Variants in ULK2 observed in about 807,000 individuals in gnomAD.
ULK2 encodes serine/threonine-protein kinase ULK2.
A neutral mutation model predicts 127.5 loss-of-function variants in ULK2; 76 were observed. The observed-to-expected ratio is 0.60, with a 90% CI of 0.50 to 0.72. The LOEUF (loss-of-function observed/expected upper bound fraction) is 0.72, where lower values mean the gene tolerates loss of function less well. Among genes scored for constraint, ULK2 ranks in the 30% least tolerant of loss-of-function variants. The pLI is 0.00. For missense variants in ULK2, 1,144 were observed against 1,295.9 expected, an observed-to-expected ratio of 0.88 and a Z score of 1.80; for synonymous variants, 452 against 461.9, an observed-to-expected ratio of 0.98 and a Z score of 0.28.
intron 10 of ULK2, among the ~76,000 whole-genome samples, chr17:19,831,553 C>CACGCCTAAAAAAAGAAGAAATAAG (rs1189159301): frequency 4.6e-5 from 7 of 152,160 alleles, no homozygotes; most frequent in African/African-American, 1.7e-4. Context: ...GGCCAGGTGC[C>CACGCCTAAAAAAAGAAGAAATAAG]GTGCCCCACG....
chr17:19,803,582 C>A (rs573745648), intron 15 of ULK2, among the ~76,000 whole-genome samples: 5 of 152,294 alleles, frequency 3.3e-5, no homozygotes, highest in African/African-American at 9.6e-5. Context: ...AACCACTGTA[C>A]AATATACTGT....
Position 19,810,623 on chromosome 17 carries a change from T to C in ULK2, c.1097-185A>G, listed in dbSNP as rs555741822. ...ACTACACCTAGCTGAAGACATAGGC[T>C]GCAACTCTTTGGATGCCCACTTCTA... On this transcript the variant is annotated intron_variant, in intron 13 of 26. Transcript: ENST00000395544. Among the ~76,000 whole-genome samples, 8 of 152,342 alleles carry C rather than the reference T, an allele frequency of 5.3e-5. No homozygotes were observed. The South Asian group carries it at 6.2e-4, about 12-fold the overall frequency.
At chr17:19,801,994 C>A in intron 15 of ULK2, 72 bp from the exon 16 acceptor site, 1 of 1,495,012 alleles carries the variant, frequency 6.7e-7, no homozygotes, top group South Asian at 1.4e-5. Flanking sequence ...TCTGAAACTT[C>A]CTAACAATAT....
rs1225123406 is a variant in ULK2, at chr17:19,771,351, T to G, written c.*4998A>C. 1 of 152,184 alleles carries G rather than the reference T, an allele frequency of 6.6e-6. No homozygotes were observed. Among genetic ancestry groups the G allele is most frequent in the African/African-American group, 2.4e-5 (1 of 41,448 alleles). 9.4% of individuals were successfully genotyped at this position (152,184 alleles called of 1,614,324 possible). ...TTCCACTTAAACAGCCAAATTGACT[T>G]AAAAGGGCAACATAGATGTCTGAAG... is the stretch of plus-strand genomic sequence containing the variant. On this transcript the variant is annotated 3_prime_UTR_variant, in exon 27 of 27. Transcript: ENST00000395544.
chr17:19,804,962 T>C (rs2087483897), intron 14 of ULK2, 132 bp from the exon 15 acceptor site: 1 of 1,028,016 alleles, frequency 9.7e-7, no homozygotes, highest in Non-Finnish European at 1.3e-6. Flanking sequence ...TAATAAGAAA[T>C]GATCTTGTTA....
intron 20 of ULK2, among the ~76,000 whole-genome samples, chr17:19,786,950 A>G (rs921253859): frequency 1.3e-5 from 2 of 152,056 alleles, no homozygotes; most frequent in Non-Finnish European, 2.9e-5. Context: ...AAACATGTAT[A>G]CAGTTGCACT....
chr17:19,825,108 A>G lies in ULK2; in HGVS notation c.910T>C (p.Phe304Leu). 6.2e-7 allele frequency: 1 copy of G among 1,614,060 alleles called. No individual in the cohort carries two copies. The highest frequency in any genetic ancestry group is 1.7e-5 in the Admixed American group (1 of 60,006). ...SSCGSSPSCR[F>L]ASPPSLPDMQ... is the part of the protein sequence containing the mutation. ...CTGTAACTTACTGGTGGAGAAGCAA[A>G]ACGACAAGATGGAGAGCTGCCACAG... is the stretch of plus-strand genomic sequence containing the variant. Residue 304 changes from phenylalanine to leucine, a missense_variant, in exon 12 of 27, where the codon TTT becomes CTT. Physicochemically the swap from Phe to Leu is conservative, Grantham distance 22. Coordinates refer to ENST00000395544, the MANE Select transcript of ULK2 (RefSeq NM_014683.4).
intron 1 of ULK2, 21 bp downstream of exon 1, chr17:19,867,307 C>A: frequency 1.9e-6 from 3 of 1,549,018 alleles, no homozygotes; most frequent in Admixed American, 2.0e-5. Flanking sequence ...GGGGCCCGGC[C>A]TCGCCCCGGC....
chr17:19,852,801 TTTGTTG>T (rs1169484249), intron 3 of ULK2, among the ~76,000 whole-genome samples: 1 of 151,190 alleles, frequency 6.6e-6, no homozygotes, highest in African/African-American at 2.4e-5. Flanking sequence ...TGGCTAGTTT[TTTGTTG>T]TTGTTGTTGT....
intron 10 of ULK2, among the ~76,000 whole-genome samples, chr17:19,830,256 C>T (rs982426891): frequency 6.6e-6 from 1 of 152,036 alleles, no homozygotes; most frequent in Admixed American, 6.6e-5. Context: ...GGCTGGAATG[C>T]AGTGGTGCAA....
chr17:19,846,080 C>T (rs1451902067), intron 6 of ULK2, among the ~76,000 whole-genome samples: 1 of 152,098 alleles, frequency 6.6e-6, no homozygotes, highest in Admixed American at 6.6e-5. Context: ...GAGCCGAGAT[C>T]GTGCCACAGC....
chr17:19,864,103 T>C (rs892599135), intron 3 of ULK2, among the ~76,000 whole-genome samples: 2 of 152,040 alleles, frequency 1.3e-5, no homozygotes, highest in Non-Finnish European at 2.9e-5. Context: ...GCCCAGGAGT[T>C]CAAGACTAGC....
chr17:19,788,231 A>G (rs2087077335), intron 20 of ULK2, among the ~76,000 whole-genome samples: 1 of 152,104 alleles, frequency 6.6e-6, no homozygotes, highest in South Asian at 2.1e-4. Context: ...GACATCAGAC[A>G]GGGCTTCTAA....
intron 3 of ULK2, among the ~76,000 whole-genome samples, chr17:19,851,139 C>T (rs1201065837): frequency 1.3e-5 from 2 of 149,012 alleles, no homozygotes; most frequent in Admixed American, 6.7e-5. Flanking sequence ...ATGGTGAAAC[C>T]CTGTCTCTAA....
intron 3 of ULK2, among the ~76,000 whole-genome samples, chr17:19,857,155 C>A (rs1184735024): frequency 1.3e-5 from 2 of 151,062 alleles, no homozygotes; most frequent in Non-Finnish European, 3.0e-5. Flanking sequence ...AAAATACAGA[C>A]ATTAGCCAGG....
intron 12 of ULK2, among the ~76,000 whole-genome samples, chr17:19,820,954 C>G (rs563274364): frequency 2.6e-5 from 4 of 152,290 alleles, no homozygotes; most frequent in African/African-American, 9.6e-5. Context: ...ACCTGGTCAT[C>G]TCATTCATTA....
intron 12 of ULK2, among the ~76,000 whole-genome samples, chr17:19,822,282 G>T (rs2041169485): frequency 6.6e-6 from 1 of 152,108 alleles, no homozygotes; most frequent in African/African-American, 2.4e-5. Context: ...ACTGAGCCTG[G>T]CCCAACCTTA....
chr17:19,810,466 C>T (rs758056886), intron 13 of ULK2, 28 bp from the exon 14 acceptor site: 83 of 1,447,228 alleles, frequency 5.7e-5, no homozygotes, highest in Admixed American at 2.1e-5. Flanking sequence ...ACAATCAGTT[C>T]CTGTTATACC....
intron 1 of ULK2, among the ~76,000 whole-genome samples, chr17:19,866,138 G>A (rs1567735376): frequency 6.6e-6 from 1 of 152,146 alleles, no homozygotes; most frequent in African/African-American, 2.4e-5. Flanking sequence ...ACAGTTAATT[G>A]AAAAGTTATT....
Sources: allele counts gnomAD v4.1 joint callset (sites outside exome capture counted in the v4.1 genomes callset), GRCh38; gene constraint gnomAD v4.1.1; transcripts MANE v1.5; gene names NCBI Gene and HGNC (gene_info 2026-07-23, HGNC 2026-07-21).